The following GLYATL2 variants were observed in gnomAD, a reference collection of about 807,000 sequenced individuals.
GLYATL2 encodes glycine N-acyltransferase-like protein 2.
A neutral mutation model predicts 21.4 loss-of-function variants in GLYATL2; 25 were observed. The observed-to-expected ratio is 1.17, with a 90% CI of 0.85 to 1.63. The LOEUF (loss-of-function observed/expected upper bound fraction) is 1.63. Ranked by LOEUF, GLYATL2 falls within the 40% of genes most tolerant of loss-of-function variation. The pLI is 0.00. For synonymous variants in GLYATL2, 114 were observed against 118.2 expected, an observed-to-expected ratio of 0.96 and a Z score of 0.23; for missense variants, 361 against 343.3, an observed-to-expected ratio of 1.05 and a Z score of -0.41.
chr11:58,870,540 A>G (rs1037930756), intron 1 of GLYATL2, among the ~76,000 whole-genome samples: 2 of 152,200 alleles, frequency 1.3e-5, no homozygotes, highest in Non-Finnish European at 2.9e-5. Flanking sequence ...GAAAAGACTA[A>G]AGACATTCTC....
At chr11:58,885,304 T>C (rs1242872604) in intron 1 of GLYATL2, 2 of 253,984 alleles carry the variant, frequency 7.9e-6, no homozygotes, top group Non-Finnish European at 1.6e-5. Flanking sequence ...CTGGAGATGC[T>C]GCTCATCTCA....
At chr11:58,849,179 G>A (rs1420154791), upstream of GLYATL2, among the ~76,000 whole-genome samples, 1 of 152,138 alleles carries the variant, frequency 6.6e-6, no homozygotes, top group Non-Finnish European at 1.5e-5. Context: ...TACAAGAAAT[G>A]CTAAAGAAAG....
intron 1 of GLYATL2, among the ~76,000 whole-genome samples, chr11:58,859,319 A>AATCG (rs1853889914): frequency 1.1e-4 from 4 of 36,370 alleles, no homozygotes; most frequent in South Asian, 1.0e-3. Flanking sequence ...ATATTGTAGC[A>AATCG]TTCATTCTCT....
At position 58,834,716 on chromosome 11, in the gene GLYATL2, G is replaced by C. The variant is rs776739993; in HGVS notation, c.598C>G (p.Leu200Val). 1 of 1,613,644 alleles carries C rather than the reference G, an allele frequency of 6.2e-7. No homozygotes were observed. The highest frequency in any genetic ancestry group is 2.2e-5 in the East Asian group (1 of 44,886). The stretch of plus-strand genomic sequence containing the variant: ...TCTGGACCCAGCACACCAAATCCTA[G>C]AAAATCCTGGAGGCAGCGTTCAATA... ...KYIERCLQDF[L>V]GFGVLGPEGQ... The change falls in exon 6 of 6, where the codon CTA becomes GTA. Residue 200 changes from leucine (L) to valine (V), a missense_variant. Transcript: ENST00000287275.
chr11:58,906,213 T>A (rs977601645), upstream of GLYATL2, among the ~76,000 whole-genome samples: 14 of 152,160 alleles, frequency 9.2e-5, no homozygotes, highest in African/African-American at 3.4e-4. Context: ...AGGTTTTGGA[T>A]GGGGAGCTGG....
At chr11:58,889,402 A>G (rs1425309875) in intron 1 of GLYATL2, among the ~76,000 whole-genome samples, 2 of 152,010 alleles carry the variant, frequency 1.3e-5, no homozygotes, top group African/African-American at 4.8e-5. Flanking sequence ...GCCTTATTGC[A>G]TAATGTACAA....
upstream of GLYATL2, chr11:58,844,792 G>C (rs1411586560): frequency 6.6e-6 from 1 of 152,136 alleles, no homozygotes; most frequent in African/African-American, 2.4e-5. Context: ...ATTTTCCATT[G>C]TTGGCAAAAA....
At chr11:58,880,371 G>C (rs1854311744) in intron 1 of GLYATL2, among the ~76,000 whole-genome samples, 1 of 152,144 alleles carries the variant, frequency 6.6e-6, no homozygotes, top group Admixed American at 6.5e-5. Flanking sequence ...ATGGAGTAGG[G>C]AATGGATAGG....
At chr11:58,863,948 C>G (rs557501963) in intron 1 of GLYATL2, among the ~76,000 whole-genome samples, 1 of 152,302 alleles carries the variant, frequency 6.6e-6, no homozygotes, top group South Asian at 2.1e-4. Flanking sequence ...ACTGGCCTAG[C>G]CCTAGGCAGG....
At chr11:58,899,664 G>T (rs911709988) in intron 1 of GLYATL2, among the ~76,000 whole-genome samples, 1 of 152,110 alleles carries the variant, frequency 6.6e-6, no homozygotes, top group Non-Finnish European at 1.5e-5. Context: ...GCGGGTTAGG[G>T]TTGCAGTCTG....
chr11:58,865,020 AAT>A (rs1202609260), intron 1 of GLYATL2, among the ~76,000 whole-genome samples: 1 of 149,154 alleles, frequency 6.7e-6, no homozygotes, highest in Non-Finnish European at 1.5e-5. Context: ...GGAGGTGATG[AAT>A]ATGTTTATGG....
At chr11:58,864,179 G>A (rs1001590800) in intron 1 of GLYATL2, among the ~76,000 whole-genome samples, 2 of 152,150 alleles carry the variant, frequency 1.3e-5, no homozygotes, top group African/African-American at 4.8e-5. Context: ...CAGCCTGGAG[G>A]TTGGATCTAT....
chr11:58,880,808 G>T (rs1854319979), intron 1 of GLYATL2, among the ~76,000 whole-genome samples: 1 of 152,178 alleles, frequency 6.6e-6, no homozygotes, highest in Non-Finnish European at 1.5e-5. Context: ...GGATGCCTTT[G>T]TTTAAACATT....
Position 58,837,281 on chromosome 11 carries a change from C to T in GLYATL2, c.303G>A (p.Leu101=). 6.2e-7 allele frequency: 1 copy of T among 1,613,784 alleles called. No individual in the cohort carries two copies. Among genetic ancestry groups the T allele is most frequent in the South Asian group, 1.1e-5 (1 of 90,992 alleles). ...YSNVISWEQT[L]QIQGCQEGLD... is the part of the protein sequence containing the mutation. ...ACTCAGACTAGTTACCTTGGATCTG[C>T]AAAGTTTGCTCCCAGCTGATTACAT... is the stretch of plus-strand genomic sequence containing the variant. Residue 101 remains leucine, a synonymous_variant, in exon 4 of 6, where the codon TTG becomes TTA. Transcript: ENST00000287275.
intron 1 of GLYATL2, among the ~76,000 whole-genome samples, chr11:58,902,895 G>A (rs1310368396): frequency 6.6e-6 from 1 of 152,158 alleles, no homozygotes; most frequent in Admixed American, 6.5e-5. Flanking sequence ...CAGATTCCCT[G>A]AGCATCCCTA....
In GLYATL2 at chr11:58,865,594, G is replaced by T. The variant is rs181718434; in HGVS notation, n.61-27226C>A. Among the ~76,000 whole-genome samples the T allele has an allele frequency of 5.0e-4, 74 of 149,152 alleles. 3 individuals carry two copies. The highest frequency in any genetic ancestry group is 1.6e-3 in the African/African-American group (68 of 41,354). ...GGGTTCTTGTCTCAGTTTTGCATAT[G>T]CAATCATGTGTCCAGTTTCCAGGAC... On this transcript the variant is annotated intron_variant and non_coding_transcript_variant, in intron 1 of 4. Coordinates refer to the GLYATL2 transcript ENST00000533636.
At chr11:58,867,670 G>A (rs899912958) in intron 1 of GLYATL2, among the ~76,000 whole-genome samples, 7 of 149,092 alleles carry the variant, frequency 4.7e-5, no homozygotes, top group African/African-American at 1.7e-4. Context: ...CCATGTTCAT[G>A]CCAGAATCTA....
chr11:58,840,302 C>T (rs1172117895), intron 1 of GLYATL2, among the ~76,000 whole-genome samples: 1 of 152,036 alleles, frequency 6.6e-6, no homozygotes, highest in African/African-American at 2.4e-5. Context: ...TCCTGAAACT[C>T]ATCCCAAGGA....
intron 1 of GLYATL2, among the ~76,000 whole-genome samples, chr11:58,882,093 C>A (rs1229719403): frequency 6.6e-6 from 1 of 152,156 alleles, no homozygotes; most frequent in Non-Finnish European, 1.5e-5. Flanking sequence ...TGGGTATATA[C>A]CCAGTAATGG....
Sources: gnomAD v4.1 joint callset for allele counts (sites outside exome capture counted in the v4.1 genomes callset) on GRCh38, gnomAD v4.1.1 for gene constraint, MANE v1.5 for transcripts, NCBI Gene and HGNC (gene_info 2026-07-23, HGNC 2026-07-21) for gene names.